Variants in TTLL5 observed in about 807,000 individuals in gnomAD.
TTLL5 encodes tubulin tyrosine ligase like 5.
In TTLL5, 132 loss-of-function variants were observed where a neutral mutation model predicts 168.4. The observed-to-expected ratio is 0.78, with a 90% confidence interval of 0.68 to 0.91. TTLL5 has a LOEUF of 0.91. Ranked by LOEUF, TTLL5 falls within the 40% of genes least tolerant of loss-of-function variation. The pLI is 0.00. For missense variants in TTLL5, 1,545 were observed against 1,581.5 expected, an observed-to-expected ratio of 0.98 and a Z score of 0.39; for synonymous variants, 546 against 558.6, an observed-to-expected ratio of 0.98 and a Z score of 0.32.
chr14:75,848,990 T>C (rs1896700922), intron 28 of TTLL5, among the ~76,000 whole-genome samples: 1 of 152,190 alleles, frequency 6.6e-6, no homozygotes, highest in Non-Finnish European at 1.5e-5. Flanking sequence ...ACAGCAGAAG[T>C]CTGGTTCACA....
intron 28 of TTLL5, among the ~76,000 whole-genome samples, chr14:75,841,509 TC>T (rs1892788588): frequency 6.6e-6 from 1 of 152,234 alleles, no homozygotes; most frequent in South Asian, 2.1e-4. Context: ...TTTATTCCTT[TC>T]TTTGTCATCT....
intron 31 of TTLL5, among the ~76,000 whole-genome samples, chr14:75,945,869 C>T (rs1241416029): frequency 6.6e-6 from 1 of 152,104 alleles, no homozygotes; most frequent in Non-Finnish European, 1.5e-5. Flanking sequence ...GAAGGATTAC[C>T]AGAGCAATTC....
intron 15 of TTLL5, chr14:75,737,419 C>A: frequency 1.5e-6 from 1 of 684,946 alleles, no homozygotes; most frequent in South Asian, 2.5e-5. Context: ...AATGTTCTAA[C>A]CTTCCAACCA....
chr14:75,895,625 CTGTA>C (rs903007053), intron 30 of TTLL5, among the ~76,000 whole-genome samples: 4 of 152,000 alleles, frequency 2.6e-5, no homozygotes, highest in East Asian at 1.9e-4. Flanking sequence ...ATATTTTAAA[CTGTA>C]TGGCTCTAAA....
At chr14:75,711,114 T>C (rs1887045384) in intron 9 of TTLL5, 1 of 152,200 alleles carries the variant, frequency 6.6e-6, no homozygotes, top group Non-Finnish European at 1.5e-5. Context: ...GATGAGTGTT[T>C]TCAGTTGTCC....
chr14:75,880,911 C>T (rs1392407277), intron 29 of TTLL5, among the ~76,000 whole-genome samples: 1 of 152,044 alleles, frequency 6.6e-6, no homozygotes, highest in Admixed American at 6.6e-5. Context: ...TGTCTTTGTT[C>T]CTCTTCCCCC....
intron 20 of TTLL5, among the ~76,000 whole-genome samples, chr14:75,766,657 C>T (rs985197521): frequency 6.6e-6 from 1 of 152,016 alleles, no homozygotes; most frequent in Admixed American, 6.6e-5. Flanking sequence ...AGCAGCTCGT[C>T]GTTTAGTATC....
At chr14:75,785,691 T>G (rs1483827090) in intron 26 of TTLL5, among the ~76,000 whole-genome samples, 1 of 152,222 alleles carries the variant, frequency 6.6e-6, no homozygotes, top group Non-Finnish European at 1.5e-5. Context: ...ATGTAAAAGT[T>G]TATTTTTAAG....
intron 27 of TTLL5, 26 bp from the exon 28 acceptor site, chr14:75,819,981 G>C: frequency 6.3e-7 from 1 of 1,578,470 alleles, no homozygotes; most frequent in African/African-American, 1.4e-5. Context: ...TGTAAAGTCA[G>C]GTTATTTCCC....
At chr14:75,945,859 G>T (rs992796474) in intron 31 of TTLL5, among the ~76,000 whole-genome samples, 13 of 152,306 alleles carry the variant, frequency 8.5e-5, no homozygotes, top group Admixed American at 1.3e-4. Context: ...GGAGGGAGTG[G>T]AAGGATTACC....
intron 3 of TTLL5, among the ~76,000 whole-genome samples, chr14:75,679,719 G>A (rs74803338): frequency 0.021 from 3,196 of 151,976 alleles, 97 homozygotes; most frequent in African/African-American, 0.06. Context: ...TCCCTTTTTT[G>A]ACATTGCAAG....
intron 23 of TTLL5, among the ~76,000 whole-genome samples, chr14:75,778,186 G>A (rs935902422): frequency 3.3e-5 from 5 of 152,170 alleles, no homozygotes; most frequent in Non-Finnish European, 5.9e-5. Flanking sequence ...TTATATAGAT[G>A]TGGAGATAAA....
At chr14:75,906,710 T>C in intron 31 of TTLL5, 1 of 985,828 alleles carries the variant, frequency 1.0e-6, no homozygotes, top group Middle Eastern at 5.2e-4. Context: ...ATTTTTATCA[T>C]TTTCACTTGC....
chr14:75,910,100 T>G (rs1157851112), intron 31 of TTLL5, among the ~76,000 whole-genome samples: 3 of 152,230 alleles, frequency 2.0e-5, no homozygotes, highest in Middle Eastern at 3.2e-3. Context: ...GATTAAGAGA[T>G]AGGCTATGGA....
In TTLL5 at chr14:75,954,408, C is replaced by T; in HGVS notation, c.3824-16C>T. On this transcript the variant is annotated splice_polypyrimidine_tract_variant and intron_variant, in intron 31 of 31. Coordinates refer to ENST00000298832, the MANE Select transcript of TTLL5 (RefSeq NM_015072.5). Reference sequence around the variant, plus strand: ...TGTCATTTCATTCATTTCATGGTTGCCTTTCTCTTTTTCAGATCCTGCTCA... The same window carrying T: ...TGTCATTTCATTCATTTCATGGTTGTCTTTCTCTTTTTCAGATCCTGCTCA... 2 of 1,613,768 alleles carry T rather than the reference C, an allele frequency of 1.2e-6. No homozygotes were observed. The highest frequency in any genetic ancestry group is 4.5e-5 in the East Asian group (2 of 44,880).
intron 25 of TTLL5, 93 bp downstream of exon 25, chr14:75,782,666 T>C (rs747759809): frequency 1.1e-5 from 11 of 1,038,032 alleles, no homozygotes; most frequent in Non-Finnish European, 1.5e-5. Context: ...TTCTAAAGCA[T>C]GGAACATTAC....
At chr14:75,758,853 ATG>A (rs1183686198) in intron 18 of TTLL5, among the ~76,000 whole-genome samples, 2 of 152,152 alleles carry the variant, frequency 1.3e-5, no homozygotes, top group Non-Finnish European at 2.9e-5. Flanking sequence ...TACTAAAAAT[ATG>A]TCAAGATATG....
intron 18 of TTLL5, among the ~76,000 whole-genome samples, chr14:75,760,267 GAATA>G (rs1175897102): frequency 6.6e-6 from 1 of 151,822 alleles, no homozygotes; most frequent in Non-Finnish European, 1.5e-5. Flanking sequence ...AAATACTTAG[GAATA>G]AATTTAACAA....
intron 12 of TTLL5, among the ~76,000 whole-genome samples, chr14:75,725,270 A>G (rs1347222471): frequency 1.3e-5 from 2 of 152,250 alleles, no homozygotes. Context: ...ATTCTCCAAC[A>G]ATGTAAACTA....
Sources: gnomAD v4.1 joint callset for allele counts (sites outside exome capture counted in the v4.1 genomes callset) on GRCh38, gnomAD v4.1.1 for gene constraint, MANE v1.5 for transcripts, NCBI Gene and HGNC (gene_info 2026-07-23, HGNC 2026-07-21) for gene names.